Variants in DHX35 observed in about 807,000 individuals in gnomAD.
DHX35 encodes the protein DEAH-box helicase 35.
A neutral mutation model predicts 99.6 loss-of-function variants in DHX35; 84 were observed. The observed-to-expected ratio is 0.84, with a 90% CI of 0.71 to 1.01. DHX35 has a LOEUF of 1.01. DHX35 is among the 50% of genes least tolerant of loss of function. The pLI is 0.00. For synonymous variants in DHX35, 331 were observed against 316.2 expected (o/e 1.05, Z -0.50); for missense variants, 852 against 888.5 (o/e 0.96, Z 0.52).
intron 20 of DHX35, among the ~76,000 whole-genome samples, chr20:39,032,941 G>A (rs537294352): frequency 6.6e-6 from 1 of 152,298 alleles, no homozygotes; most frequent in Non-Finnish European, 1.5e-5. Context: ...GTCAGGATAC[G>A]CACACTCGTG....
intron 3 of DHX35, among the ~76,000 whole-genome samples, chr20:38,982,925 A>T (rs552611024): frequency 0.01 from 1,471 of 142,146 alleles, 28 homozygotes; most frequent in African/African-American, 0.035. Context: ...ACTTAATCAA[A>T]TTTTTTTTTT....
intron 21 of DHX35, among the ~76,000 whole-genome samples, chr20:39,034,761 C>CTTTTTCT (rs1184364950): frequency 6.8e-6 from 1 of 147,426 alleles, no homozygotes; most frequent in Non-Finnish European, 1.5e-5. Context: ...TCATTTTTTT[C>CTTTTTCT]TTTTTCTTTT....
At chr20:39,017,036 T>TAAGTTTCCC (rs2086796683) in intron 14 of DHX35, among the ~76,000 whole-genome samples, 1 of 152,226 alleles carries the variant, frequency 6.6e-6, no homozygotes. Context: ...ACAAAAATTT[T>TAAGTTTCCC]AAGTTTTTGT....
chr20:39,003,555 A>G (rs756539980), intron 10 of DHX35, among the ~76,000 whole-genome samples, 194 bp from the exon 11 acceptor site: 3 of 152,156 alleles, frequency 2.0e-5, no homozygotes, highest in Non-Finnish European at 4.4e-5. Flanking sequence ...TAGTTGCAAA[A>G]TTTCACCCAT....
chr20:38,971,999 GTTTTGTTTT>G (rs2086005953), intron 2 of DHX35, among the ~76,000 whole-genome samples: 2 of 102,994 alleles, frequency 1.9e-5, no homozygotes, highest in African/African-American at 7.4e-5. Context: ...TTTTTGTTTT[GTTTTGTTTT>G]TTTTTTTTTT....
rs1600470276 is a variant in DHX35 at position 39,039,389 on chromosome 20, T to C, written c.*846T>C. 6.5e-6 allele frequency: 1 copy of C among 152,726 alleles called. No homozygotes were observed. The highest frequency in any genetic ancestry group is 1.9e-4 in the East Asian group (1 of 5,176). The allele number at this position is 152,726 out of a possible 1,614,324, so 9.5% of individuals were successfully genotyped here. A position where few individuals can be genotyped will look rare whatever the true frequency, so the allele number is the denominator to read the frequency against. ...GAACATCACTGGTGTATTTGTTTTT[T>C]TGTTTGTTTGCTTGGGTTCTTGCAA... On this transcript the variant is annotated 3_prime_UTR_variant, in exon 22 of 22. Coordinates refer to ENST00000252011, the MANE Select transcript of DHX35 (RefSeq NM_021931.4).
At chr20:38,989,388 C>T (rs1470693149) in intron 5 of DHX35, among the ~76,000 whole-genome samples, 1 of 150,158 alleles carries the variant, frequency 6.7e-6, no homozygotes, top group African/African-American at 2.5e-5. Context: ...GCTGGGATTA[C>T]AGGCGTGAGC....
At position 39,034,126 on chromosome 20, in the gene DHX35, A is replaced by G; in HGVS notation, c.1956-80A>G. 4 of 1,037,660 alleles carry G rather than the reference A, an allele frequency of 3.9e-6. No homozygotes were observed. In the South Asian group the frequency reaches 5.2e-5, roughly 14 times the overall value. 64.3% of individuals were successfully genotyped at this position (1,037,660 alleles called of 1,614,324 possible). Reference sequence around the variant, plus strand: ...TAGAGTAGAACCTGTTAAAGGTTAAAGGAAACAGCATGTCTACCTGTGGTT... The same window carrying G: ...TAGAGTAGAACCTGTTAAAGGTTAAGGGAAACAGCATGTCTACCTGTGGTT... On this transcript the variant is annotated intron_variant, in intron 20 of 21. Transcript: ENST00000252011.
At chr20:39,011,976 G>T (rs1472633540) in intron 13 of DHX35, among the ~76,000 whole-genome samples, 2 of 152,210 alleles carry the variant, frequency 1.3e-5, no homozygotes, top group African/African-American at 4.8e-5. Flanking sequence ...GGCTGAGCGT[G>T]GTGGCTTATG....
chr20:38,967,327 T>A (rs561842064), intron 1 of DHX35, among the ~76,000 whole-genome samples: 3 of 152,336 alleles, frequency 2.0e-5, no homozygotes, highest in African/African-American at 7.2e-5. Context: ...TCAGAAGACC[T>A]AGGAGATGAT....
intron 16 of DHX35, among the ~76,000 whole-genome samples, chr20:39,022,234 C>T (rs1352978204): frequency 1.3e-5 from 2 of 152,106 alleles, no homozygotes; most frequent in Admixed American, 1.3e-4. Flanking sequence ...GATCTCAGCC[C>T]ACTGCAACTG....
chr20:38,999,436 C>T (rs2086482585), intron 8 of DHX35, among the ~76,000 whole-genome samples: 1 of 152,156 alleles, frequency 6.6e-6, no homozygotes, highest in African/African-American at 2.4e-5. Flanking sequence ...TGTGCTTGCA[C>T]ACCAGCCTTA....
chr20:39,004,226 C>G (rs2086574627), intron 11 of DHX35, among the ~76,000 whole-genome samples: 1 of 152,074 alleles, frequency 6.6e-6, no homozygotes, highest in African/African-American at 2.4e-5. Context: ...CCACACCCGG[C>G]TAATTTTTTT....
chr20:38,970,104 T>A (rs1373255516), intron 2 of DHX35, among the ~76,000 whole-genome samples: 1 of 152,166 alleles, frequency 6.6e-6, no homozygotes, highest in Non-Finnish European at 1.5e-5. Flanking sequence ...TCTGTCTATC[T>A]ATCAGACAGG....
chr20:38,964,781 C>G (rs2085886811), intron 1 of DHX35, among the ~76,000 whole-genome samples: 1 of 152,140 alleles, frequency 6.6e-6, no homozygotes, highest in South Asian at 2.1e-4. Flanking sequence ...AGAAAGATAA[C>G]ACTGGCAGTG....
chr20:39,017,734 G>C (rs1381684795), intron 14 of DHX35, among the ~76,000 whole-genome samples: 1 of 152,310 alleles, frequency 6.6e-6, no homozygotes, highest in East Asian at 1.9e-4. Context: ...GGGCAAGAAG[G>C]GCAGGTGGGG....
intron 18 of DHX35, among the ~76,000 whole-genome samples, chr20:39,026,856 C>T (rs2086965602): frequency 6.6e-6 from 1 of 152,166 alleles, no homozygotes; most frequent in Non-Finnish European, 1.5e-5. Context: ...AGTTGGAGAG[C>T]AGCTCGTCAA....
chr20:38,985,024 T>G (rs748182442), intron 4 of DHX35, among the ~76,000 whole-genome samples: 4 of 152,154 alleles, frequency 2.6e-5, no homozygotes, highest in Non-Finnish European at 5.9e-5. Flanking sequence ...GATCACTGTG[T>G]AGAAGTCTGA....
At chr20:39,003,610 TG>T in intron 10 of DHX35, 138 bp from the exon 11 acceptor site, 1 of 936,260 alleles carries the variant, frequency 1.1e-6, no homozygotes, top group Non-Finnish European at 1.6e-6. Context: ...CATCCCAGAG[TG>T]GAACATGACG....
Sources: allele counts gnomAD v4.1 joint callset (sites outside exome capture counted in the v4.1 genomes callset), GRCh38; gene constraint gnomAD v4.1.1; transcripts MANE v1.5; gene names NCBI Gene and HGNC (gene_info 2026-07-23, HGNC 2026-07-21).